Variants in TLL2 observed in about 807,000 individuals in gnomAD.
TLL2 encodes the protein tolloid-like protein 2.
In TLL2, 106 loss-of-function variants were observed where a neutral mutation model predicts 123.0. The ratio of observed to expected loss-of-function variants is 0.86; its 90% CI spans 0.74 to 1.01. TLL2 has a LOEUF of 1.01. Ranked by LOEUF, TLL2 falls within the 50% of genes least tolerant of loss-of-function variation. TLL2 has a pLI of 0.00. For synonymous variants in TLL2, 494 were observed against 516.8 expected (o/e 0.96, Z 0.60); for missense variants, 1,332 against 1,336.7 (o/e 1.00, Z 0.06).
At chr10:96,406,698 G>A (rs532035023) in intron 9 of TLL2, among the ~76,000 whole-genome samples, 6 of 152,096 alleles carry the variant, frequency 3.9e-5, no homozygotes, top group African/African-American at 1.4e-4. Flanking sequence ...CACCACACTG[G>A]CCTATCTTCT....
At chr10:96,411,040 G>C (rs1023164675) in intron 8 of TLL2, among the ~76,000 whole-genome samples, 5 of 151,988 alleles carry the variant, frequency 3.3e-5, no homozygotes, top group African/African-American at 7.3e-5. Flanking sequence ...TCAGGAGTTC[G>C]AGACCAGCCT....
chr10:96,438,415 T>C (rs555777603), intron 3 of TLL2, among the ~76,000 whole-genome samples: 7 of 152,350 alleles, frequency 4.6e-5, no homozygotes, highest in African/African-American at 1.2e-4. Context: ...TTTCTGTATG[T>C]TCATTGTTAG....
chr10:96,379,222 T>C, intron 16 of TLL2, 130 bp from the exon 17 acceptor site: 1 of 1,160,354 alleles, frequency 8.6e-7, no homozygotes, highest in Non-Finnish European at 1.2e-6. Flanking sequence ...CCTCTGATTG[T>C]TCCCTCACTG....
intron 2 of TLL2, among the ~76,000 whole-genome samples, chr10:96,458,441 G>A (rs1024859566): frequency 2.0e-5 from 3 of 151,924 alleles, no homozygotes; most frequent in Non-Finnish European, 4.4e-5. Flanking sequence ...ACAAAAATTC[G>A]CCAGGCTTGG....
At chr10:96,423,128 CAAAAAAAAAAAAAA>C (rs10577803) in intron 5 of TLL2, among the ~76,000 whole-genome samples, 1 of 119,916 alleles carries the variant, frequency 8.3e-6, no homozygotes, top group East Asian at 2.4e-4. Flanking sequence ...AACACCGTCT[CAAAAAAAAAAAAAA>C]AAAAGAAAAG....
chr10:96,467,612 A>G (rs1181808577), intron 2 of TLL2, among the ~76,000 whole-genome samples: 2 of 152,202 alleles, frequency 1.3e-5, no homozygotes, highest in Admixed American at 6.5e-5. Flanking sequence ...TTTTCTATAT[A>G]TGACACTATA....
chr10:96,475,232 A>G (rs1402421399), intron 2 of TLL2, among the ~76,000 whole-genome samples: 2 of 152,218 alleles, frequency 1.3e-5, no homozygotes, highest in African/African-American at 2.4e-5. Context: ...CGTGGCCCCA[A>G]GTGAACAGAA....
intron 3 of TLL2, among the ~76,000 whole-genome samples, chr10:96,440,522 G>A (rs1589423199): frequency 1.3e-5 from 2 of 152,168 alleles, no homozygotes; most frequent in African/African-American, 4.8e-5. Flanking sequence ...TTTCCCATAT[G>A]GTTTTCAACA....
At chr10:96,406,498 C>T (rs1252922370) in intron 9 of TLL2, among the ~76,000 whole-genome samples, 4 of 152,154 alleles carry the variant, frequency 2.6e-5, no homozygotes, top group Non-Finnish European at 4.4e-5. Context: ...TCCAGCATCT[C>T]CACTCACTGC....
chr10:96,494,123 G>A (rs539249990), intron 1 of TLL2, among the ~76,000 whole-genome samples: 49 of 152,336 alleles, frequency 3.2e-4, no homozygotes, highest in Non-Finnish European at 5.1e-4. Flanking sequence ...CAGCCCGGGC[G>A]GCTGCTTTCA....
chr10:96,480,299 G>T, intron 2 of TLL2, 50 bp downstream of exon 2: 1 of 1,479,108 alleles, frequency 6.8e-7, no homozygotes, highest in Non-Finnish European at 9.4e-7. Context: ...CCCTGCTGAA[G>T]TCCCTCATCC....
intron 8 of TLL2, 137 bp from the exon 9 acceptor site, chr10:96,410,611 A>G (rs1846492201): frequency 1.4e-6 from 1 of 729,938 alleles, no homozygotes; most frequent in East Asian, 2.7e-5. Context: ...AAGTGTAGCA[A>G]GCAGATTGAT....
In TLL2 at chr10:96,413,374, T is replaced by C. The variant is rs1170555244; in HGVS notation, c.924-58A>G. ...GTCAAGGCCATCAGGCTGTCTGTGC[T>C]GGGATTTCTAGGCTTCATTCCCTTG... On this transcript the variant is annotated intron_variant, in intron 7 of 20. Transcript: ENST00000357947. The C allele has an allele frequency of 1.9e-6, 3 of 1,583,442 alleles. No individual in the cohort carries two copies. In the South Asian group the frequency reaches 3.4e-5, roughly 18 times the overall value.
At chr10:96,485,719 C>G (rs1026793094) in intron 1 of TLL2, among the ~76,000 whole-genome samples, 2 of 152,178 alleles carry the variant, frequency 1.3e-5, no homozygotes, top group African/African-American at 4.8e-5. Context: ...GGAAGTCTAT[C>G]TGACAATTCC....
intron 2 of TLL2, among the ~76,000 whole-genome samples, chr10:96,447,378 G>A (rs1846905807): frequency 6.6e-6 from 1 of 152,232 alleles, no homozygotes; most frequent in South Asian, 2.1e-4. Context: ...AGATTGCCCT[G>A]GGACACAGGC....
intron 1 of TLL2, among the ~76,000 whole-genome samples, chr10:96,482,666 G>A (rs1280658122): frequency 2.0e-5 from 3 of 152,206 alleles, no homozygotes; most frequent in Non-Finnish European, 2.9e-5. Flanking sequence ...TAGGACTGGG[G>A]GCAGAAACAA....
At chr10:96,475,258 G>C (rs577548364) in intron 2 of TLL2, among the ~76,000 whole-genome samples, 2 of 152,214 alleles carry the variant, frequency 1.3e-5, no homozygotes, top group Non-Finnish European at 2.9e-5. Context: ...GCTCCCTGCT[G>C]TGAATCCTAA....
intron 17 of TLL2, among the ~76,000 whole-genome samples, chr10:96,377,727 A>G (rs922537528): frequency 1.3e-5 from 2 of 152,232 alleles, no homozygotes; most frequent in African/African-American, 4.8e-5. Context: ...AGGGGAGGAA[A>G]CAGCTTCGAG....
intron 10 of TLL2, among the ~76,000 whole-genome samples, chr10:96,398,425 T>C (rs958286526): frequency 2.6e-5 from 4 of 152,120 alleles, no homozygotes; most frequent in Non-Finnish European, 5.9e-5. Flanking sequence ...AACCAGGACA[T>C]ACAAATTGAC....
Sources: gnomAD v4.1 joint callset for allele counts (sites outside exome capture counted in the v4.1 genomes callset) on GRCh38, gnomAD v4.1.1 for gene constraint, MANE v1.5 for transcripts, NCBI Gene and HGNC (gene_info 2026-07-23, HGNC 2026-07-21) for gene names.